Variants in SHISA6 observed in about 807,000 individuals in gnomAD.
SHISA6 encodes shisa family member 6.
A neutral mutation model predicts 47.9 loss-of-function variants in SHISA6; 22 were observed. That is an observed-to-expected ratio of 0.46 (90% CI 0.33 to 0.66). SHISA6 has a LOEUF of 0.66. Among genes scored for constraint, SHISA6 ranks in the 30% least tolerant of loss-of-function variants. SHISA6 has a pLI of 0.02. For missense variants in SHISA6, 680 were observed against 764.6 expected, an observed-to-expected ratio of 0.89 and a Z score of 1.30; for synonymous variants, 388 against 337.8, an observed-to-expected ratio of 1.15 and a Z score of -1.63.
At chr17:11,386,577 G>A (rs958514216) in intron 3 of SHISA6, among the ~76,000 whole-genome samples, 1 of 152,076 alleles carries the variant, frequency 6.6e-6, no homozygotes, top group African/African-American at 2.4e-5. Flanking sequence ...TAAGAGGAGA[G>A]AAATCACAGT....
intron 3 of SHISA6, among the ~76,000 whole-genome samples, chr17:11,547,248 A>G (rs991931442): frequency 1.3e-5 from 2 of 152,220 alleles, no homozygotes; most frequent in East Asian, 1.9e-4. Flanking sequence ...TTTGTACTCT[A>G]CCAAAAGAAA....
chr17:11,340,634 A>T (rs916915493), intron 2 of SHISA6, among the ~76,000 whole-genome samples: 19 of 152,220 alleles, frequency 1.2e-4, no homozygotes, highest in African/African-American at 4.6e-4. Context: ...GATGGGAGGG[A>T]TTACTGGCAA....
At chr17:11,372,096 A>G (rs1421475682) in intron 2 of SHISA6, among the ~76,000 whole-genome samples, 1 of 152,106 alleles carries the variant, frequency 6.6e-6, no homozygotes, top group Non-Finnish European at 1.5e-5. Flanking sequence ...AACTTTCTGT[A>G]TCTTGGAAAC....
chr17:11,445,947 C>T (rs1037729307), intron 3 of SHISA6, among the ~76,000 whole-genome samples: 8 of 152,210 alleles, frequency 5.3e-5, no homozygotes, highest in South Asian at 4.1e-4. Context: ...CCTGCCTCGG[C>T]GTCCTGAGTA....
At chr17:11,350,182 A>ATTTATTTATTTTTTT (rs964679787) in intron 2 of SHISA6, among the ~76,000 whole-genome samples, 1 of 116,240 alleles carries the variant, frequency 8.6e-6, no homozygotes, top group Non-Finnish European at 1.7e-5. Context: ...TTATTTATTT[A>ATTTATTTATTTTTTT]TTTTTTTTTT....
intron 3 of SHISA6, among the ~76,000 whole-genome samples, chr17:11,536,515 A>C (rs2071789664): frequency 6.6e-6 from 1 of 152,200 alleles, no homozygotes; most frequent in Admixed American, 6.5e-5. Flanking sequence ...TCAGGTGCCT[A>C]GATTGGAGCT....
At chr17:11,544,256 C>G (rs1283928188) in intron 3 of SHISA6, among the ~76,000 whole-genome samples, 1 of 150,824 alleles carries the variant, frequency 6.6e-6, no homozygotes, top group East Asian at 1.9e-4. Context: ...GCAAAAGACT[C>G]TATTAAAAGG....
chr17:11,375,436 C>T (rs892543857), intron 2 of SHISA6, among the ~76,000 whole-genome samples: 3 of 152,144 alleles, frequency 2.0e-5, no homozygotes, highest in African/African-American at 4.8e-5. Context: ...ATCTGCAACC[C>T]GAGGCAAACT....
intron 1 of SHISA6, among the ~76,000 whole-genome samples, chr17:11,254,809 C>T (rs1203555750): frequency 1.3e-5 from 2 of 152,206 alleles, no homozygotes; most frequent in East Asian, 3.8e-4. Flanking sequence ...TCAGTCTTCC[C>T]TTCTCCCTAA....
intron 3 of SHISA6, among the ~76,000 whole-genome samples, chr17:11,496,372 G>A (rs142209085): frequency 2.8e-4 from 43 of 152,312 alleles, no homozygotes; most frequent in East Asian, 2.1e-3. Context: ...AAAATAACAC[G>A]GTGGGCTGAA....
chr17:11,267,030 G>A (rs1394621483), intron 2 of SHISA6, among the ~76,000 whole-genome samples: 6 of 152,214 alleles, frequency 3.9e-5, no homozygotes, highest in Admixed American at 6.5e-5. Context: ...CACTTTATGC[G>A]TAATAGCGAA....
chr17:11,357,774 A>T (rs7213975), intron 2 of SHISA6, among the ~76,000 whole-genome samples: 69,982 of 151,968 alleles, frequency 0.46, 16,294 homozygotes, highest in Middle Eastern at 0.54. Flanking sequence ...ACATAAATCT[A>T]CTCTGTCTGT....
intron 3 of SHISA6, among the ~76,000 whole-genome samples, chr17:11,450,034 G>A (rs3111839): frequency 0.32 from 48,040 of 152,078 alleles, 8,727 homozygotes; most frequent in Non-Finnish European, 0.42. Flanking sequence ...ACAGGCGTCC[G>A]CCACCACGCC....
intron 2 of SHISA6, among the ~76,000 whole-genome samples, chr17:11,344,343 G>A (rs1222829504): frequency 1.3e-5 from 2 of 152,074 alleles, no homozygotes; most frequent in African/African-American, 4.8e-5. Context: ...TACATTTTAT[G>A]TATTTTTTCT....
chr17:11,276,170 G>T (rs1303255025), intron 2 of SHISA6, among the ~76,000 whole-genome samples: 1 of 152,028 alleles, frequency 6.6e-6, no homozygotes, highest in East Asian at 1.9e-4. Context: ...TAGAGACAGG[G>T]TTTCACCATG....
At chr17:11,464,421 C>G (rs1915761875) in intron 3 of SHISA6, among the ~76,000 whole-genome samples, 2 of 152,186 alleles carry the variant, frequency 1.3e-5, no homozygotes, top group Non-Finnish European at 2.9e-5. Context: ...TCCATCTTGC[C>G]TGAGTGATCC....
rs568464904 is a variant in SHISA6, at chr17:11,535,088, C to T, written c.896-16808C>T. ...GGTTGCGGTGAGGGTGAGCCAAGAGCGCACCACTGCACTCCAGCCTGGCAA... is the reference window on the plus strand; with the variant it reads ...GGTTGCGGTGAGGGTGAGCCAAGAGTGCACCACTGCACTCCAGCCTGGCAA... On this transcript the variant is annotated intron_variant, in intron 3 of 5. Coordinates refer to ENST00000441885, the MANE Select transcript of SHISA6 (RefSeq NM_207386.4). Among the ~76,000 whole-genome samples, 52 of 152,080 alleles carry T rather than the reference C, an allele frequency of 3.4e-4. No homozygotes were observed. The Middle Eastern group carries it at 0.01, about 30-fold the overall frequency.
intron 3 of SHISA6, among the ~76,000 whole-genome samples, chr17:11,445,386 A>C (rs1486531181): frequency 6.6e-6 from 1 of 152,188 alleles, no homozygotes; most frequent in African/African-American, 2.4e-5. Context: ...CTTCTGAAAG[A>C]AGAGGTGAAA....
intron 1 of SHISA6, among the ~76,000 whole-genome samples, chr17:11,259,051 G>C (rs1158691990): frequency 6.6e-6 from 1 of 152,038 alleles, no homozygotes; most frequent in Non-Finnish European, 1.5e-5. Flanking sequence ...TTGATGGATA[G>C]AGTGTTGGAT....
Sources: gnomAD v4.1 joint callset for allele counts (sites outside exome capture counted in the v4.1 genomes callset) on GRCh38, gnomAD v4.1.1 for gene constraint, MANE v1.5 for transcripts, NCBI Gene and HGNC (gene_info 2026-07-23, HGNC 2026-07-21) for gene names.